Variants in CCDC178 observed in about 807,000 individuals in gnomAD.
The protein encoded by CCDC178 is coiled-coil domain-containing protein 178.
Under a neutral mutation model 117.4 loss-of-function variants are expected in CCDC178, and 126 were observed. The ratio of observed to expected loss-of-function variants is 1.07; its 90% CI spans 0.93 to 1.24. The LOEUF (loss-of-function observed/expected upper bound fraction) is 1.24. CCDC178 is among the 50% of genes most tolerant of loss of function. The pLI, the probability that CCDC178 is intolerant of heterozygous loss-of-function variation, is 0.00. For synonymous variants in CCDC178, 283 were observed against 313.4 expected (o/e 0.90, Z 1.02); for missense variants, 1,030 against 986.9 (o/e 1.04, Z -0.59).
intron 8 of CCDC178, among the ~76,000 whole-genome samples, chr18:33,348,487 T>A (rs1666778507): frequency 6.6e-6 from 1 of 151,984 alleles, no homozygotes; most frequent in African/African-American, 2.4e-5. Flanking sequence ...TTAATTCACA[T>A]TAAACTTAAA....
chr18:33,410,142 A>G (rs1010676430), intron 3 of CCDC178, among the ~76,000 whole-genome samples: 9 of 152,296 alleles, frequency 5.9e-5, no homozygotes, highest in African/African-American at 1.9e-4. Flanking sequence ...CCAATTTAGA[A>G]TAGGCTTTGT....
At chr18:33,193,088 T>C (rs1433078684) in intron 20 of CCDC178, among the ~76,000 whole-genome samples, 3 of 148,042 alleles carry the variant, frequency 2.0e-5, no homozygotes, top group African/African-American at 7.5e-5. Flanking sequence ...TGAAACCCCG[T>C]CTCTACTAAA....
At chr18:33,284,359 T>C (rs2060071377) in intron 12 of CCDC178, among the ~76,000 whole-genome samples, 1 of 152,150 alleles carries the variant, frequency 6.6e-6, no homozygotes, top group South Asian at 2.1e-4. Flanking sequence ...AGGTTACCTA[T>C]GTAACAAACC....
At chr18:33,079,215 G>T (rs182764618) in intron 21 of CCDC178, among the ~76,000 whole-genome samples, 3 of 152,226 alleles carry the variant, frequency 2.0e-5, no homozygotes, top group Admixed American at 2.0e-4. Context: ...GAGATAACTG[G>T]CTAGAAATAT....
At chr18:33,361,806 G>A (rs2063131935) in intron 6 of CCDC178, among the ~76,000 whole-genome samples, 1 of 151,846 alleles carries the variant, frequency 6.6e-6, no homozygotes, top group Non-Finnish European at 1.5e-5. Context: ...AGAGATAAAT[G>A]TTGGTGAGGG....
chr18:33,245,087 T>C (rs907472280), intron 15 of CCDC178, among the ~76,000 whole-genome samples, 158 bp downstream of exon 15: 1 of 151,966 alleles, frequency 6.6e-6, no homozygotes, highest in African/African-American at 2.4e-5. Flanking sequence ...AGCTGAGCCT[T>C]TGGAGAGAGG....
intron 21 of CCDC178, among the ~76,000 whole-genome samples, chr18:33,025,389 T>C (rs2056207055): frequency 6.6e-6 from 1 of 152,062 alleles, no homozygotes; most frequent in Admixed American, 6.6e-5. Context: ...AAGGAAGAAA[T>C]GATAAGTTGG....
intron 20 of CCDC178, among the ~76,000 whole-genome samples, chr18:33,197,026 C>G (rs1342870001): frequency 1.3e-5 from 2 of 151,932 alleles, no homozygotes; most frequent in Non-Finnish European, 2.9e-5. Flanking sequence ...TTAATTTTTT[C>G]ATTTCATTTT....
At chr18:33,262,398 A>G (rs2059761626) in intron 14 of CCDC178, among the ~76,000 whole-genome samples, 1 of 152,006 alleles carries the variant, frequency 6.6e-6, no homozygotes, top group African/African-American at 2.4e-5. Flanking sequence ...TCATCTACAC[A>G]TTTTTCACTT....
intron 4 of CCDC178, among the ~76,000 whole-genome samples, chr18:33,395,441 C>A (rs1041011737): frequency 3.5e-4 from 53 of 151,940 alleles, no homozygotes; most frequent in African/African-American, 1.2e-3. Context: ...AATAACCACC[C>A]CAATGACCTC....
chr18:33,372,759 A>G (rs971923407), intron 5 of CCDC178, among the ~76,000 whole-genome samples: 1 of 152,186 alleles, frequency 6.6e-6, no homozygotes, highest in Non-Finnish European at 1.5e-5. Context: ...CTATGTTTAT[A>G]AACTTTCAAC....
chr18:33,243,827 A>G (rs1458439425), intron 15 of CCDC178, among the ~76,000 whole-genome samples: 4 of 151,968 alleles, frequency 2.6e-5, no homozygotes, highest in African/African-American at 9.7e-5. Flanking sequence ...TACACAGTTA[A>G]GTGGCCAAGT....
At chr18:33,416,149 C>T (rs2063936920) in intron 2 of CCDC178, among the ~76,000 whole-genome samples, 1 of 152,272 alleles carries the variant, frequency 6.6e-6, no homozygotes, top group South Asian at 2.1e-4. Flanking sequence ...CTGCCCGGGC[C>T]GGGAGCGATG....
At chr18:32,960,440 T>C (rs1303391247) in intron 22 of CCDC178, among the ~76,000 whole-genome samples, 1 of 152,140 alleles carries the variant, frequency 6.6e-6, no homozygotes, top group Non-Finnish European at 1.5e-5. Flanking sequence ...CAAAGGGAGA[T>C]TTTGACAACA....
chr18:33,395,916 C>A (rs906705999), intron 4 of CCDC178, among the ~76,000 whole-genome samples: 1 of 151,970 alleles, frequency 6.6e-6, no homozygotes, highest in Non-Finnish European at 1.5e-5. Flanking sequence ...ATCTGCATGA[C>A]CTTGGACTAG....
intron 21 of CCDC178, among the ~76,000 whole-genome samples, chr18:33,048,697 C>A (rs2056690378): frequency 6.6e-6 from 1 of 152,106 alleles, no homozygotes; most frequent in Admixed American, 6.5e-5. Context: ...CTGTTTGTAT[C>A]TTAGGGGAAA....
chr18:33,082,211 C>T (rs1752928199), intron 21 of CCDC178, among the ~76,000 whole-genome samples: 1 of 152,170 alleles, frequency 6.6e-6, no homozygotes, highest in African/African-American at 2.4e-5. Flanking sequence ...TGGCTCACTT[C>T]TGTAATCCCA....
intron 20 of CCDC178, among the ~76,000 whole-genome samples, chr18:33,102,461 T>C (rs1030841818): frequency 1.3e-5 from 2 of 151,398 alleles, no homozygotes; most frequent in African/African-American, 2.4e-5. Flanking sequence ...AGTCTTTTCC[T>C]TGGAGATTCA....
intron 21 of CCDC178, among the ~76,000 whole-genome samples, chr18:32,977,974 C>T (rs970589268): frequency 2.6e-5 from 4 of 152,068 alleles, no homozygotes; most frequent in African/African-American, 7.2e-5. Flanking sequence ...CAAGTGGGAG[C>T]GCTTCAGCAT....
Sources: gnomAD v4.1 joint callset for allele counts (sites outside exome capture counted in the v4.1 genomes callset) on GRCh38, gnomAD v4.1.1 for gene constraint, MANE v1.5 for transcripts, NCBI Gene and HGNC (gene_info 2026-07-23, HGNC 2026-07-21) for gene names.